ULK4: variants seen among roughly 807,000 people sequenced by gnomAD.
ULK4 encodes inactive serine/threonine-protein kinase ULK4.
In ULK4, 133 loss-of-function variants were observed where a neutral mutation model predicts 160.6. The observed-to-expected ratio is 0.83, with a 90% CI of 0.72 to 0.96. The LOEUF (loss-of-function observed/expected upper bound fraction) is 0.96. Ranked by LOEUF, ULK4 falls within the 40% of genes least tolerant of loss-of-function variation. The probability of loss-of-function intolerance (pLI) is 0.00; values close to 1 mark genes in which losing one functional copy is unlikely to be tolerated. For missense variants in ULK4, 1,580 were observed against 1,499.5 expected, an observed-to-expected ratio of 1.05 and a Z score of -0.89; for synonymous variants, 534 against 539.8, an observed-to-expected ratio of 0.99 and a Z score of 0.15.
intron 32 of ULK4, among the ~76,000 whole-genome samples, chr3:41,529,598 C>A (rs568274161): frequency 1.3e-5 from 2 of 152,294 alleles, no homozygotes; most frequent in South Asian, 4.1e-4. Flanking sequence ...AATTCTTGTG[C>A]CTCAGTCTCC....
At chr3:41,291,077 C>T (rs556952090) in intron 35 of ULK4, among the ~76,000 whole-genome samples, 2 of 151,146 alleles carry the variant, frequency 1.3e-5, no homozygotes, top group Non-Finnish European at 2.9e-5. Flanking sequence ...GTTTTTGGTT[C>T]GCGGTGATCC....
intron 21 of ULK4, among the ~76,000 whole-genome samples, chr3:41,756,008 G>C (rs1289738872): frequency 1.3e-5 from 2 of 152,194 alleles, no homozygotes; most frequent in East Asian, 3.8e-4. Context: ...TAAAGACAGA[G>C]AGAGAGACAA....
chr3:41,250,139 C>G (rs747278092), intron 35 of ULK4, among the ~76,000 whole-genome samples: 1 of 152,126 alleles, frequency 6.6e-6, no homozygotes, highest in Non-Finnish European at 1.5e-5. Flanking sequence ...CACCTATTTG[C>G]AGAATCATAC....
chr3:41,281,905 T>C (rs1277331830), intron 35 of ULK4, among the ~76,000 whole-genome samples: 1 of 152,176 alleles, frequency 6.6e-6, no homozygotes, highest in Non-Finnish European at 1.5e-5. Context: ...GAAAACCCCA[T>C]CATCTCAGCC....
intron 35 of ULK4, among the ~76,000 whole-genome samples, chr3:41,305,815 G>A (rs1485120005): frequency 6.7e-6 from 1 of 149,756 alleles, no homozygotes; most frequent in South Asian, 2.1e-4. Flanking sequence ...AGGAAGTGAG[G>A]AGCGTCTCTG....
chr3:41,323,264 A>G (rs1028181630), intron 35 of ULK4, among the ~76,000 whole-genome samples: 1 of 151,966 alleles, frequency 6.6e-6, no homozygotes, highest in Non-Finnish European at 1.5e-5. Context: ...CCATGTTGCC[A>G]TACACACACA....
At chr3:41,799,339 C>T (rs1469059875) in intron 20 of ULK4, among the ~76,000 whole-genome samples, 2 of 152,102 alleles carry the variant, frequency 1.3e-5, no homozygotes, top group Non-Finnish European at 2.9e-5. Flanking sequence ...CTTTACACCA[C>T]GTTATTATAG....
At chr3:41,569,090 T>C (rs2087881394) in intron 31 of ULK4, among the ~76,000 whole-genome samples, 1 of 152,200 alleles carries the variant, frequency 6.6e-6, no homozygotes, top group African/African-American at 2.4e-5. Context: ...AGCTTCTGTG[T>C]CTTCCCCGGG....
chr3:41,834,030 AATT>A lies in ULK4; in HGVS notation c.1764+1831_1764+1833del, dbSNP rs913236203. 5.9e-4 allele frequency among the ~76,000 whole-genome samples: 89 copies of A among 151,474 alleles called. No individual in the cohort carries two copies. In the Middle Eastern group the frequency reaches 0.014, roughly 24 times the overall value. ...CAAAATTAACTCTGTAAATATAAGA[AATT>A]ATATTTGTATTTTATAATATTTATA... On this transcript the variant is annotated intron_variant, in intron 18 of 36. Coordinates refer to ENST00000301831, the MANE Select transcript of ULK4 (RefSeq NM_017886.4).
intron 30 of ULK4, among the ~76,000 whole-genome samples, chr3:41,652,231 C>T (rs1194597054): frequency 6.6e-6 from 1 of 152,056 alleles, no homozygotes; most frequent in Non-Finnish European, 1.5e-5. Context: ...GAGTTTTTTA[C>T]ATCCTGAAAA....
At chr3:41,441,107 T>C (rs1489233294) in intron 34 of ULK4, among the ~76,000 whole-genome samples, 1 of 152,118 alleles carries the variant, frequency 6.6e-6, no homozygotes, top group Non-Finnish European at 1.5e-5. Flanking sequence ...ATTTTACTTA[T>C]GTTCTCCACT....
At chr3:41,409,975 A>G (rs2082378534) in intron 34 of ULK4, among the ~76,000 whole-genome samples, 1 of 152,060 alleles carries the variant, frequency 6.6e-6, no homozygotes, top group African/African-American at 2.4e-5. Flanking sequence ...AGAAAATGCA[A>G]ATTAAAACCA....
chr3:41,874,767 G>A (rs879862760), intron 17 of ULK4, among the ~76,000 whole-genome samples: 5 of 152,150 alleles, frequency 3.3e-5, no homozygotes, highest in Non-Finnish European at 7.4e-5. Flanking sequence ...CACTACTCAG[G>A]TGACCAGTGC....
At chr3:41,461,153 T>C (rs2083675026) in intron 33 of ULK4, among the ~76,000 whole-genome samples, 1 of 152,150 alleles carries the variant, frequency 6.6e-6, no homozygotes, top group South Asian at 2.1e-4. Flanking sequence ...TGCTCCCCCA[T>C]ACACATACTT....
At chr3:41,880,815 T>C (rs995364533) in intron 17 of ULK4, among the ~76,000 whole-genome samples, 2 of 152,084 alleles carry the variant, frequency 1.3e-5, no homozygotes, top group African/African-American at 4.8e-5. Context: ...TCCAAGCTAC[T>C]CGTGAAGCTG....
chr3:41,780,155 T>C (rs1472494817), intron 21 of ULK4, among the ~76,000 whole-genome samples: 3 of 148,658 alleles, frequency 2.0e-5, no homozygotes, highest in Non-Finnish European at 4.5e-5. Context: ...CTACCGAAAA[T>C]ACAAAAAAAA....
chr3:41,587,751 A>G (rs1468003415), intron 31 of ULK4, among the ~76,000 whole-genome samples: 1 of 152,208 alleles, frequency 6.6e-6, no homozygotes, highest in Non-Finnish European at 1.5e-5. Flanking sequence ...TATGAATTGA[A>G]AACTGAAAAC....
At chr3:41,881,337 T>C (rs1319035660) in intron 17 of ULK4, among the ~76,000 whole-genome samples, 1 of 147,634 alleles carries the variant, frequency 6.8e-6, no homozygotes, top group African/African-American at 2.6e-5. Context: ...CATGGTACCA[T>C]GTACCTGCTC....
intron 33 of ULK4, among the ~76,000 whole-genome samples, chr3:41,459,973 C>A (rs747017683): frequency 1.9e-4 from 29 of 152,100 alleles, no homozygotes; most frequent in South Asian, 6.2e-4. Flanking sequence ...TGGGCTATGA[C>A]AGAAAAATCT....
Sources: gnomAD v4.1 joint callset for allele counts (sites outside exome capture counted in the v4.1 genomes callset) on GRCh38, gnomAD v4.1.1 for gene constraint, MANE v1.5 for transcripts, NCBI Gene and HGNC (gene_info 2026-07-23, HGNC 2026-07-21) for gene names.